MTSS1: variants seen among roughly 807,000 people sequenced by gnomAD.
MTSS1 encodes MTSS I-BAR domain containing 1.
Under a neutral mutation model 79.0 loss-of-function variants are expected in MTSS1, and 18 were observed. The ratio of observed to expected loss-of-function variants is 0.23; its 90% CI spans 0.16 to 0.34. The LOEUF (loss-of-function observed/expected upper bound fraction) is 0.34, where lower values mean the gene tolerates loss of function less well. Ranked by LOEUF, MTSS1 falls within the 10% of genes least tolerant of loss-of-function variation. MTSS1 has a pLI of 1.00. For missense variants in MTSS1, 815 were observed against 986.2 expected (o/e 0.83, Z 2.33); for synonymous variants, 341 against 368.6 (o/e 0.93, Z 0.86).
In MTSS1 at chr8:124,562,933, G is replaced by A. The variant is rs961754948; in HGVS notation, c.884C>T (p.Pro295Leu). 1.2e-6 allele frequency: 2 copies of A among 1,613,652 alleles called. No homozygotes were observed. Among genetic ancestry groups the A allele is most frequent in the Non-Finnish European group, 1.7e-6 (2 of 1,179,812 alleles). The change falls in exon 10 of 14, where the codon CCC becomes CTC. Residue 295 changes from proline (P) to leucine (L), a missense_variant. Coordinates refer to ENST00000518547, the MANE Select transcript of MTSS1 (RefSeq NM_014751.6). ...GCTGCGGTAGCGGTAATGTGAGCTG[G>A]GGGAATGCGAGTGGGAGCCGCTGGA... ...SRSSGSHSHSPSSHYRYRSSN... is the reference protein window; with the variant it reads ...SRSSGSHSHSLSSHYRYRSSN...
Position 124,553,443 on chromosome 8 carries a change from G to C in MTSS1, c.1817C>G (p.Ala606Gly). 1 of 1,608,412 alleles carries C rather than the reference G, an allele frequency of 6.2e-7. No homozygotes were observed. Among genetic ancestry groups the C allele is most frequent in the Non-Finnish European group, 8.5e-7 (1 of 1,176,218 alleles). ...GGGTGTCTTGATGGGGATGGGACCA[G>C]CTCCAATGGTTCCCCGGCGGACAGA... is the stretch of plus-strand genomic sequence containing the variant. ...KPSVRRGTIG[A>G]GPIPIKTPVI... Residue 606 changes from alanine (A) to glycine (G), a missense_variant, in exon 14 of 14, where the codon GCT (alanine) becomes GGT (glycine). By Grantham distance (60) the Ala-to-Gly change is moderately conservative. Coordinates refer to ENST00000518547, the MANE Select transcript of MTSS1 (RefSeq NM_014751.6). This position sits in a 1 kb window ranked among gnomAD's most constrained non-coding sequence, Gnocchi z 6.0.
chr8:124,725,392 G>T (rs1448463268), intron 1 of MTSS1, among the ~76,000 whole-genome samples: 1 of 152,000 alleles, frequency 6.6e-6, no homozygotes, highest in Non-Finnish European at 1.5e-5. Flanking sequence ...AGAGGAAATT[G>T]ACTCCCTTCC....
At chr8:124,671,265 G>T (rs142787175) in intron 3 of MTSS1, among the ~76,000 whole-genome samples, 6 of 151,752 alleles carry the variant, frequency 4.0e-5, no homozygotes, top group African/African-American at 1.5e-4. Context: ...CTCATGACCC[G>T]CACCAACCTT....
At chr8:124,647,019 A>T (rs891713935) in intron 3 of MTSS1, among the ~76,000 whole-genome samples, 2 of 151,980 alleles carry the variant, frequency 1.3e-5, no homozygotes, top group Non-Finnish European at 2.9e-5. Context: ...CTAATTTTTA[A>T]ATTTTCCTTT....
intron 3 of MTSS1, among the ~76,000 whole-genome samples, chr8:124,650,866 C>T (rs1168080305): frequency 3.3e-5 from 5 of 152,116 alleles, no homozygotes; most frequent in African/African-American, 9.7e-5. Flanking sequence ...GTGTATGGCC[C>T]GGATTCAAAT....
chr8:124,610,098 T>A (rs1454977568), intron 3 of MTSS1, among the ~76,000 whole-genome samples: 1 of 152,228 alleles, frequency 6.6e-6, no homozygotes, highest in Non-Finnish European at 1.5e-5. Context: ...TTTAGATCAA[T>A]CCTCAGCTTT....
chr8:124,586,295 C>T (rs909512992), intron 5 of MTSS1, among the ~76,000 whole-genome samples: 4 of 152,106 alleles, frequency 2.6e-5, no homozygotes, highest in Non-Finnish European at 4.4e-5. Context: ...AGCGTGGCAG[C>T]TCTCCACTCT....
chr8:124,599,064 C>G (rs545431999), intron 3 of MTSS1, among the ~76,000 whole-genome samples: 1 of 152,336 alleles, frequency 6.6e-6, no homozygotes, highest in Non-Finnish European at 1.5e-5. Context: ...AACCCTAACA[C>G]CAGTGGTTGC....
At chr8:124,591,775 G>A (rs1257601198) in intron 3 of MTSS1, among the ~76,000 whole-genome samples, 1 of 152,038 alleles carries the variant, frequency 6.6e-6, no homozygotes, top group Non-Finnish European at 1.5e-5. Flanking sequence ...AAAGCAAAAT[G>A]AGGTAATAGG....
At chr8:124,653,568 AC>A (rs1314654817) in intron 3 of MTSS1, among the ~76,000 whole-genome samples, 10 of 152,188 alleles carry the variant, frequency 6.6e-5, no homozygotes, top group Admixed American at 5.9e-4. Flanking sequence ...TACTAAAAAT[AC>A]AAAAATTAGC....
chr8:124,698,347 G>GTC (rs1829180868), intron 3 of MTSS1, among the ~76,000 whole-genome samples: 1 of 151,976 alleles, frequency 6.6e-6, no homozygotes, highest in Non-Finnish European at 1.5e-5. Context: ...ACAATGAAAA[G>GTC]AACAGGCCTA....
At chr8:124,598,165 T>C (rs1833092849) in intron 3 of MTSS1, among the ~76,000 whole-genome samples, 1 of 152,076 alleles carries the variant, frequency 6.6e-6, no homozygotes. Context: ...TGTGGCGGTG[T>C]ATGCCTGCAG....
chr8:124,626,792 G>A (rs1054437495), intron 3 of MTSS1, among the ~76,000 whole-genome samples: 9 of 151,966 alleles, frequency 5.9e-5, no homozygotes, highest in African/African-American at 1.5e-4. Flanking sequence ...TCTTCCTAGG[G>A]GCATCACACC....
At position 124,594,426 on chromosome 8, in the gene MTSS1, G is replaced by A. The variant is rs1832401473; in HGVS notation, c.209-3191C>T. 2.6e-5 allele frequency among the ~76,000 whole-genome samples: 4 copies of A among 152,252 alleles called. No individual in the cohort carries two copies. The South Asian group carries it at 8.3e-4, about 32-fold the overall frequency. On this transcript the variant is annotated intron_variant, in intron 3 of 13. Coordinates refer to ENST00000518547, the MANE Select transcript of MTSS1 (RefSeq NM_014751.6). ...CATGCTTGTAATCCCACCTACTTGG[G>A]AGGAGTAGCTTGAGAATCGCTTGAA... is the stretch of plus-strand genomic sequence containing the variant.
At position 124,553,042 on chromosome 8, in the gene MTSS1, T is replaced by G; in HGVS notation, c.2218A>C (p.Lys740Gln). The G allele has an allele frequency of 6.2e-7, 1 of 1,614,160 alleles. No individual in the cohort carries two copies. Residue 740 changes from lysine to glutamine, a missense_variant, in exon 14 of 14, where the codon AAA becomes CAA. By Grantham distance (53) the Lys-to-Gln change is moderately conservative (BLOSUM62 1). This residue lies in a region of MTSS1 where 590 missense variants were observed against 620.8 expected (regional missense o/e 0.95). Coordinates refer to ENST00000518547, the MANE Select transcript of MTSS1 (RefSeq NM_014751.6). This position sits in a 1 kb window ranked among gnomAD's most constrained non-coding sequence, Gnocchi z 6.0. ...DMLNAIRRGV[K>Q]LKKTTTNDRS... ...TCGTTTGTCGTGGTCTTCTTCAGTT[T>G]CACGCCCCTTCGGATGGCGTTCAGC...
At position 124,687,633 on chromosome 8, in the gene MTSS1, C is replaced by T. The variant is rs539703427; in HGVS notation, c.208+11893G>A. Reference sequence around the variant, plus strand: ...CTGCCCTCAAGCCCTTCTGGTGAACCAAATGGACTCCACCAGAGTCAGCGG... The same window carrying T: ...CTGCCCTCAAGCCCTTCTGGTGAACTAAATGGACTCCACCAGAGTCAGCGG... On this transcript the variant is annotated intron_variant, in intron 3 of 13. Transcript: ENST00000518547. Among the ~76,000 whole-genome samples the T allele has an allele frequency of 6.6e-5, 10 of 152,310 alleles. No individual in the cohort carries two copies. The South Asian group carries it at 2.1e-3, about 32-fold the overall frequency.
intron 3 of MTSS1, among the ~76,000 whole-genome samples, chr8:124,594,294 G>T (rs1358695080): frequency 6.6e-6 from 1 of 152,182 alleles, no homozygotes; most frequent in Non-Finnish European, 1.5e-5. Flanking sequence ...ACTTTGGAAG[G>T]CTGAGGCGGG....
intron 3 of MTSS1, among the ~76,000 whole-genome samples, chr8:124,688,363 CG>C (rs1827368950): frequency 6.8e-6 from 1 of 147,514 alleles, no homozygotes; most frequent in Non-Finnish European, 1.5e-5. Context: ...GTGTGTTGTA[CG>C]TGTGTACATG....
In MTSS1 at chr8:124,702,853, T is replaced by A. The variant is rs1428416087; in HGVS notation, c.134+1277A>T. Among the ~76,000 whole-genome samples the A allele has an allele frequency of 2.6e-5, 4 of 152,140 alleles. No homozygotes were observed. In the East Asian group the frequency reaches 7.7e-4, roughly 29 times the overall value. On this transcript the variant is annotated intron_variant, in intron 2 of 13. Transcript: ENST00000518547. ...GTCCTATCCTTCATGAAGCACCCAC[T>A]AAGTGAAATTGTATCCCTTCACCAC...
Sources: allele counts gnomAD v4.1 joint callset (sites outside exome capture counted in the v4.1 genomes callset), GRCh38; gene constraint gnomAD v4.1.1; regional missense constraint gnomAD v4.1.1; non-coding constraint Gnocchi (gnomAD v3.1); transcripts MANE v1.5; gene names NCBI Gene and HGNC (gene_info 2026-07-23, HGNC 2026-07-21).